Variants in SGCD observed in about 807,000 individuals in gnomAD.
SGCD encodes the protein sarcoglycan delta.
Under a neutral mutation model 36.6 loss-of-function variants are expected in SGCD, and 18 were observed. The ratio of observed to expected loss-of-function variants is 0.49; its 90% CI spans 0.34 to 0.73. The LOEUF is 0.73. Among genes scored for constraint, SGCD ranks in the 30% least tolerant of loss-of-function variants. The probability of loss-of-function intolerance (pLI) is 0.01; values close to 1 mark genes in which losing one functional copy is unlikely to be tolerated. For missense variants in SGCD, 387 were observed against 346.7 expected (o/e 1.12, Z -0.92); for synonymous variants, 133 against 130.6 (o/e 1.02, Z -0.12).
intron 1 of SGCD, among the ~76,000 whole-genome samples, chr5:156,050,815 A>C (rs1197511889): frequency 6.8e-6 from 1 of 146,406 alleles, no homozygotes. Context: ...CTCCATCTTC[A>C]AAATTAAAAG....
chr5:156,735,593 C>CAAACAGTAAAG (rs1314720289), intron 7 of SGCD, among the ~76,000 whole-genome samples: 1 of 152,150 alleles, frequency 6.6e-6, no homozygotes, highest in East Asian at 1.9e-4. Flanking sequence ...TTGGACTCTC[C>CAAACAGTAAAG]AAACAGTAAA....
chr5:156,748,486 T>C (rs953544787), intron 7 of SGCD, among the ~76,000 whole-genome samples: 1 of 152,072 alleles, frequency 6.6e-6, no homozygotes. Context: ...AACAGAAGCA[T>C]AGTGGAAAAA....
intron 1 of SGCD, among the ~76,000 whole-genome samples, chr5:155,925,124 T>C (rs1423863975): frequency 6.6e-6 from 1 of 151,736 alleles, no homozygotes; most frequent in African/African-American, 2.4e-5. Context: ...ATGATAGTGA[T>C]AGTAAAAACA....
chr5:155,917,981 A>AT (rs967096034), intron 1 of SGCD, among the ~76,000 whole-genome samples: 6 of 152,094 alleles, frequency 3.9e-5, no homozygotes, highest in African/African-American at 1.4e-4. Flanking sequence ...TTTGTGTTCT[A>AT]TTTTTTGGCC....
intron 3 of SGCD, among the ~76,000 whole-genome samples, chr5:156,281,905 C>T (rs1487385777): frequency 6.6e-6 from 1 of 152,096 alleles, no homozygotes; most frequent in Non-Finnish European, 1.5e-5. Context: ...CTTATATTTT[C>T]ACAAAGCTAG....
intron 7 of SGCD, among the ~76,000 whole-genome samples, chr5:156,726,990 A>G (rs1032580048): frequency 1.3e-5 from 2 of 152,238 alleles, no homozygotes; most frequent in Non-Finnish European, 2.9e-5. Flanking sequence ...GTACTATGGT[A>G]ACACATAACC....
intron 7 of SGCD, among the ~76,000 whole-genome samples, chr5:156,749,706 G>GA (rs145412197): frequency 4.0e-5 from 6 of 149,512 alleles, no homozygotes; most frequent in East Asian, 1.9e-4. Flanking sequence ...ATATGAAATG[G>GA]AAAAAAAAAG....
chr5:156,740,685 A>G (rs1173381314), intron 7 of SGCD, among the ~76,000 whole-genome samples: 2 of 152,224 alleles, frequency 1.3e-5, no homozygotes, highest in Non-Finnish European at 2.9e-5. Flanking sequence ...AGGATTCCCT[A>G]TTCACATTTG....
intron 3 of SGCD, among the ~76,000 whole-genome samples, chr5:156,306,189 C>A (rs1052007393): frequency 6.6e-6 from 1 of 152,156 alleles, no homozygotes; most frequent in Non-Finnish European, 1.5e-5. Context: ...TTGGCTGTGT[C>A]ACCACCCGTA....
chr5:156,754,751 TG>T (rs2113161328), intron 7 of SGCD, among the ~76,000 whole-genome samples: 1 of 152,296 alleles, frequency 6.6e-6, no homozygotes, highest in African/African-American at 2.4e-5. Flanking sequence ...TGATAGGTTT[TG>T]GTGAGGATTA....
At chr5:155,873,217 G>C (rs1022520080) in intron 1 of SGCD, among the ~76,000 whole-genome samples, 1 of 152,050 alleles carries the variant, frequency 6.6e-6, no homozygotes, top group Admixed American at 6.6e-5. Flanking sequence ...CATGACTTTA[G>C]TTAGCCACAA....
At chr5:156,743,655 G>A (rs1203384997) in intron 7 of SGCD, among the ~76,000 whole-genome samples, 3 of 152,080 alleles carry the variant, frequency 2.0e-5, no homozygotes, top group Admixed American at 6.5e-5. Flanking sequence ...TCTCAAAATG[G>A]TTTTGCTCTA....
At chr5:156,391,307 T>C (rs1771548752) in intron 3 of SGCD, among the ~76,000 whole-genome samples, 1 of 152,212 alleles carries the variant, frequency 6.6e-6, no homozygotes, top group Non-Finnish European at 1.5e-5. Context: ...TCTAGGTTTG[T>C]GTAAGTACAC....
chr5:156,401,926 A>G (rs1772173812), intron 3 of SGCD, among the ~76,000 whole-genome samples: 1 of 152,094 alleles, frequency 6.6e-6, no homozygotes, highest in African/African-American at 2.4e-5. Flanking sequence ...CCATTACATA[A>G]TAACTCCCAC....
intron 3 of SGCD, among the ~76,000 whole-genome samples, chr5:156,430,723 T>C (rs2127787361): frequency 6.6e-6 from 1 of 152,276 alleles, no homozygotes; most frequent in Non-Finnish European, 1.5e-5. Context: ...CTTAATTTGA[T>C]TTGTGGTGCC....
At chr5:155,920,770 T>C (rs917086795) in intron 1 of SGCD, among the ~76,000 whole-genome samples, 14 of 152,086 alleles carry the variant, frequency 9.2e-5, no homozygotes, top group African/African-American at 3.1e-4. Flanking sequence ...ACAAAAGCAA[T>C]GTCCAGCAAG....
chr5:156,071,135 T>C (rs1274681137), intron 1 of SGCD, among the ~76,000 whole-genome samples: 2 of 152,180 alleles, frequency 1.3e-5, no homozygotes, highest in African/African-American at 4.8e-5. Flanking sequence ...TTTCCTTCAG[T>C]TCTGCTCTGA....
At chr5:155,930,635 A>AT (rs1488429055) in intron 1 of SGCD, among the ~76,000 whole-genome samples, 1 of 152,122 alleles carries the variant, frequency 6.6e-6, no homozygotes, top group African/African-American at 2.4e-5. Flanking sequence ...CTTTTAGCTC[A>AT]TGGATTTTTC....
rs148882327 is a variant in SGCD, at chr5:156,444,123, CCT to C, written c.193-64464_193-64463del. Among the ~76,000 whole-genome samples the C allele has an allele frequency of 3.5e-4, 15 of 42,952 alleles. 1 individual carries two copies. Among genetic ancestry groups the C allele is most frequent in the African/African-American group, 9.1e-4 (7 of 7,660 alleles). 28.2% of individuals were successfully genotyped at this position (42,952 alleles called of 152,430 possible). A position where few individuals can be genotyped will look rare whatever the true frequency, so the allele number is the denominator to read the frequency against. Reference sequence around the variant, plus strand: ...CTCTCTCTCTCTCTCTCTCCCCTTCCCTCTCTCTCTCTCTCCTTCCCTTTCTC... The same window carrying C: ...CTCTCTCTCTCTCTCTCTCCCCTTCCCTCTCTCTCTCTCCTTCCCTTTCTC... On this transcript the variant is annotated intron_variant, in intron 3 of 8. Transcript: ENST00000337851.
Sources: gnomAD v4.1 joint callset for allele counts (sites outside exome capture counted in the v4.1 genomes callset) on GRCh38, gnomAD v4.1.1 for gene constraint, MANE v1.5 for transcripts, NCBI Gene and HGNC (gene_info 2026-07-23, HGNC 2026-07-21) for gene names.